The following GSAP variants were observed in gnomAD, a reference collection of about 807,000 sequenced individuals.
GSAP encodes gamma-secretase-activating protein.
Under a neutral mutation model 131.7 loss-of-function variants are expected in GSAP, and 118 were observed. The observed-to-expected ratio is 0.90, with a 90% CI of 0.77 to 1.04. The LOEUF is 1.04. GSAP is among the 50% of genes least tolerant of loss of function. The pLI is 0.00. For synonymous variants in GSAP, 381 were observed against 363.4 expected, an observed-to-expected ratio of 1.05 and a Z score of -0.55; for missense variants, 1,019 against 1,013.2, an observed-to-expected ratio of 1.01 and a Z score of -0.08.
intron 5 of GSAP, among the ~76,000 whole-genome samples, chr7:77,393,906 T>C (rs1799966240): frequency 6.6e-6 from 1 of 152,050 alleles, no homozygotes; most frequent in Admixed American, 6.5e-5. Context: ...ACTCCTGACC[T>C]CAGGTGATCC....
intron 19 of GSAP, among the ~76,000 whole-genome samples, chr7:77,349,052 C>T (rs980630572): frequency 6.6e-6 from 1 of 152,198 alleles, no homozygotes; most frequent in African/African-American, 2.4e-5. Context: ...AGACCTCCCC[C>T]AGTACAGCCT....
At chr7:77,330,592 T>G in intron 19 of GSAP, 2 of 1,067,300 alleles carry the variant, frequency 1.9e-6, no homozygotes, top group South Asian at 3.0e-5. Flanking sequence ...TTTTTTTTTT[T>G]TGTCGTTGTT....
intron 8 of GSAP, chr7:77,379,942 A>G (rs1210002926): frequency 2.2e-6 from 2 of 925,272 alleles, no homozygotes; most frequent in East Asian, 2.3e-4. Flanking sequence ...CAATTTGTTC[A>G]CTTAACTTTA....
intron 5 of GSAP, among the ~76,000 whole-genome samples, chr7:77,389,230 G>GTGTA (rs950213754): frequency 6.6e-6 from 1 of 151,804 alleles, no homozygotes; most frequent in African/African-American, 2.4e-5. Flanking sequence ...GTATGCGTGT[G>GTGTA]TGTATGTATG....
intron 12 of GSAP, among the ~76,000 whole-genome samples, chr7:77,371,235 G>C (rs2150975687): frequency 1.3e-5 from 2 of 152,218 alleles, no homozygotes; most frequent in South Asian, 4.2e-4. Flanking sequence ...GCTGATGCCA[G>C]AAACCTGAGA....
chr7:77,405,546 T>G (rs1345872652), intron 2 of GSAP, among the ~76,000 whole-genome samples: 1 of 152,156 alleles, frequency 6.6e-6, no homozygotes, highest in Non-Finnish European at 1.5e-5. Flanking sequence ...AAAAATTTTT[T>G]TTTCTTTTTG....
At chr7:77,363,222 G>A (rs1794794651) in intron 12 of GSAP, among the ~76,000 whole-genome samples, 1 of 152,246 alleles carries the variant, frequency 6.6e-6, no homozygotes, top group African/African-American at 2.4e-5. Flanking sequence ...TCTTGGCATA[G>A]AGTGGCCTTT....
intron 16 of GSAP, among the ~76,000 whole-genome samples, chr7:77,354,510 A>T (rs1249879982): frequency 6.6e-6 from 1 of 152,186 alleles, no homozygotes; most frequent in Non-Finnish European, 1.5e-5. Flanking sequence ...AGAAATAAAA[A>T]TTTTTAAAAA....
chr7:77,311,520 C>G (rs1457185854), intron 30 of GSAP, 71 bp from the exon 31 acceptor site: 1 of 745,208 alleles, frequency 1.3e-6, no homozygotes, highest in Non-Finnish European at 2.3e-6. Flanking sequence ...TAACTTTGTG[C>G]TCACAGCTCA....
chr7:77,374,852 A>T (rs1170861135), intron 11 of GSAP, among the ~76,000 whole-genome samples: 3 of 152,196 alleles, frequency 2.0e-5, no homozygotes, highest in African/African-American at 7.2e-5. Flanking sequence ...TGGCTAAGAA[A>T]ATCATACAAT....
intron 13 of GSAP, among the ~76,000 whole-genome samples, chr7:77,361,530 T>C (rs1451894488): frequency 6.6e-6 from 1 of 152,234 alleles, no homozygotes; most frequent in Non-Finnish European, 1.5e-5. Flanking sequence ...AGCTTCTCCA[T>C]TAAGTTCTTA....
intron 5 of GSAP, among the ~76,000 whole-genome samples, chr7:77,392,023 G>A (rs939001763): frequency 3.9e-5 from 6 of 151,978 alleles, no homozygotes; most frequent in South Asian, 2.1e-4. Flanking sequence ...TCAGGAGTTC[G>A]AGACCAGCCT....
chr7:77,394,395 C>T (rs1285018459), intron 5 of GSAP, among the ~76,000 whole-genome samples: 1 of 152,198 alleles, frequency 6.6e-6, no homozygotes. Flanking sequence ...GTGCTTTCTC[C>T]ATAGCCTCGT....
intron 19 of GSAP, among the ~76,000 whole-genome samples, chr7:77,343,031 A>G (rs1469266098): frequency 6.6e-6 from 1 of 152,094 alleles, no homozygotes; most frequent in Admixed American, 6.5e-5. Flanking sequence ...TCCCTAACTT[A>G]TCACTCCCTT....
rs549534499 is a variant in GSAP at position 77,330,419 on chromosome 7, A to G, written c.1546-52T>C. The G allele has an allele frequency of 1.9e-6, 3 of 1,596,112 alleles. No individual in the cohort carries two copies. In the African/African-American group the frequency reaches 4.0e-5, roughly 21 times the overall value. ...CTTCAGAGGCAGGCCCAGTGGCCCA[A>G]ACCACCCAGTGAGTATTACACAAGC... is the stretch of plus-strand genomic sequence containing the variant. On this transcript the variant is annotated intron_variant, in intron 19 of 30. Transcript: ENST00000257626.
intron 14 of GSAP, among the ~76,000 whole-genome samples, chr7:77,357,643 C>A (rs1793955591): frequency 6.6e-6 from 1 of 152,024 alleles, no homozygotes; most frequent in Non-Finnish European, 1.5e-5. Context: ...ATTAAAACCT[C>A]AAAAAAATAA....
chr7:77,377,590 T>C (rs1797142027), intron 8 of GSAP, among the ~76,000 whole-genome samples, 200 bp from the exon 9 acceptor site: 1 of 152,198 alleles, frequency 6.6e-6, no homozygotes, highest in African/African-American at 2.4e-5. Context: ...TTGCCTCCTC[T>C]TCTTCCCACG....
chr7:77,320,713 G>C lies in GSAP; in HGVS notation c.2089+12C>G, dbSNP rs375756188. The C allele has an allele frequency of 2.7e-6, 4 of 1,475,654 alleles. No homozygotes were observed. Among genetic ancestry groups the C allele is most frequent in the Non-Finnish European group, 2.8e-6 (3 of 1,053,944 alleles). The allele number at this position is 1,475,654 out of a possible 1,614,324, so 91.4% of individuals were successfully genotyped here. On this transcript the variant is annotated intron_variant, in intron 26 of 30. Coordinates refer to ENST00000257626, the MANE Select transcript of GSAP (RefSeq NM_017439.4). ...ATTTATTATACCAAAGGACAAAAGA[G>C]CCAACACTTACCAGGAGGCAGAGGT...
chr7:77,355,045 T>C (rs1395523212), intron 16 of GSAP, among the ~76,000 whole-genome samples, 168 bp downstream of exon 16: 1 of 152,126 alleles, frequency 6.6e-6, no homozygotes, highest in Non-Finnish European at 1.5e-5. Flanking sequence ...TGAGACCTGG[T>C]AGGGATCCAT....
Sources: gnomAD v4.1 joint callset for allele counts (sites outside exome capture counted in the v4.1 genomes callset) on GRCh38, gnomAD v4.1.1 for gene constraint, MANE v1.5 for transcripts, NCBI Gene and HGNC (gene_info 2026-07-23, HGNC 2026-07-21) for gene names.